Variants in TAC4 observed in about 807,000 individuals in gnomAD.
TAC4 encodes tachykinin precursor 4, also known as tachykinin-4.
In TAC4, 17 loss-of-function variants were observed where a neutral mutation model predicts 17.7. That is an observed-to-expected ratio of 0.96 (90% CI 0.66 to 1.44). TAC4 has a LOEUF of 1.44. TAC4 is among the 40% of genes most tolerant of loss of function. The pLI is 0.00. For synonymous variants in TAC4, 62 were observed against 52.4 expected (o/e 1.18, Z -0.79); for missense variants, 118 against 125.6 (o/e 0.94, Z 0.29).
chr17:49,847,015 C>T, intron 1 of TAC4: 1 of 1,290,148 alleles, frequency 7.8e-7, no homozygotes, highest in Non-Finnish European at 1.0e-6. Context: ...GCACACACTT[C>T]CAGGTTCAGA....
At chr17:49,841,191 G>T (rs2074495050) in intron 3 of TAC4, among the ~76,000 whole-genome samples, 2 of 149,804 alleles carry the variant, frequency 1.3e-5, no homozygotes, top group Non-Finnish European at 3.0e-5. Context: ...GTCCAGATTT[G>T]CACTTTTAAG....
chr17:49,842,398 C>T (rs2074505284), intron 2 of TAC4, among the ~76,000 whole-genome samples: 1 of 151,896 alleles, frequency 6.6e-6, no homozygotes, highest in Non-Finnish European at 1.5e-5. Context: ...GGCATGGTGG[C>T]TGATGCCTGT....
chr17:49,843,114 G>A (rs2074510908), intron 2 of TAC4, among the ~76,000 whole-genome samples: 1 of 152,234 alleles, frequency 6.6e-6, no homozygotes, highest in Non-Finnish European at 1.5e-5. Context: ...GCGAGACTCT[G>A]GGTCAGAAAG....
intron 3 of TAC4, 79 bp downstream of exon 3, chr17:49,841,473 C>T (rs1032524986): frequency 9.0e-6 from 13 of 1,437,914 alleles, no homozygotes; most frequent in African/African-American, 5.9e-5. Context: ...TCTCCCCTCA[C>T]CCACCTGGTT....
Position 49,839,922 on chromosome 17 carries a change from G to A in TAC4, c.233-13C>T, listed in dbSNP as rs774267118. 64 of 1,610,964 alleles carry A rather than the reference G, an allele frequency of 4.0e-5. No individual in the cohort carries two copies. Among genetic ancestry groups the A allele is most frequent in the African/African-American group, 5.3e-5 (4 of 74,902 alleles). Reference sequence around the variant, plus strand: ...TCCAGCTGATATGCTGGTGGTGGGAGAGAGAAGTGGTAGAGGAGAGAGGCA... The same window carrying A: ...TCCAGCTGATATGCTGGTGGTGGGAAAGAGAAGTGGTAGAGGAGAGAGGCA... On this transcript the variant is annotated splice_polypyrimidine_tract_variant and intron_variant, in intron 3 of 4. Transcript: ENST00000436235.
intron 1 of TAC4, among the ~76,000 whole-genome samples, chr17:49,845,070 G>A (rs1036446593): frequency 2.0e-5 from 3 of 152,158 alleles, no homozygotes; most frequent in Non-Finnish European, 4.4e-5. Context: ...TGAGGAGAGG[G>A]CAGCCAGTGA....
chr17:49,839,709 T>TGCCTCCCCTGGGG (rs1337260160), intron 4 of TAC4, 141 bp downstream of exon 4: 2 of 711,108 alleles, frequency 2.8e-6, no homozygotes, highest in Non-Finnish European at 4.6e-6. Flanking sequence ...TGCACTCGAC[T>TGCCTCCCCTGGGG]GCCTCCCCTG....
At position 49,838,375 on chromosome 17, in the gene TAC4, C is replaced by A. The variant is rs548781069; in HGVS notation, c.*267G>T. ...ACAGAGTGTGCGAGTCTCCTCACTGCTGTGCAGTGAGATGCCAACTCTGAG... is the reference window on the plus strand; with the variant it reads ...ACAGAGTGTGCGAGTCTCCTCACTGATGTGCAGTGAGATGCCAACTCTGAG... On this transcript the variant is annotated 3_prime_UTR_variant, in exon 5 of 5. Coordinates refer to ENST00000436235, the MANE Select transcript of TAC4 (RefSeq NM_001077506.2). 2.1e-3 allele frequency: 1,181 copies of A among 566,420 alleles called. 7 individuals carry two copies. The highest frequency in any genetic ancestry group is 3.1e-3 in the Non-Finnish European group (987 of 319,588). The allele number at this position is 566,420 out of a possible 1,614,324, so 35.1% of individuals were successfully genotyped here.
At chr17:49,841,244 C>CTT (rs745671170) in intron 3 of TAC4, among the ~76,000 whole-genome samples, 61 of 110,338 alleles carry the variant, frequency 5.5e-4, no homozygotes, top group African/African-American at 9.7e-4. Flanking sequence ...TAGTGGTTGA[C>CTT]TTTTTTTTTT....
At chr17:49,842,770 T>G (rs568857568) in intron 2 of TAC4, among the ~76,000 whole-genome samples, 1 of 152,364 alleles carries the variant, frequency 6.6e-6, no homozygotes, top group African/African-American at 2.4e-5. Flanking sequence ...AAGTAACCAC[T>G]GTTTACAGTT....
At chr17:49,847,276 T>G (rs2144058642) in intron 1 of TAC4, 1 of 1,283,016 alleles carries the variant, frequency 7.8e-7, no homozygotes, top group African/African-American at 1.5e-5. Context: ...TATCTGTCCC[T>G]TGTCTGATTA....
chr17:49,840,662 C>T (rs976793475), intron 3 of TAC4, among the ~76,000 whole-genome samples: 6 of 151,878 alleles, frequency 4.0e-5, no homozygotes, highest in Non-Finnish European at 8.8e-5. Flanking sequence ...GCCACCACAC[C>T]GGACTAATTT....
Position 49,838,588 on chromosome 17 carries a change from T to C in TAC4, c.*54A>G. 1 of 1,611,432 alleles carries C rather than the reference T, an allele frequency of 6.2e-7. No homozygotes were observed. On this transcript the variant is annotated 3_prime_UTR_variant, in exon 5 of 5. Transcript: ENST00000436235. ...GCCTGCCGGCTTGTCAGCTGTGACA[T>C]CCAGGTAGGAAGAAGCGGCACCGTG...
chr17:49,846,082 A>T, intron 1 of TAC4: 1 of 544,698 alleles, frequency 1.8e-6, no homozygotes, highest in Non-Finnish European at 2.9e-6. Context: ...TTTCTCCCCC[A>T]CTGGGTTTCT....
chr17:49,838,556 A>G lies in TAC4; in HGVS notation c.*86T>C. 2 of 1,535,104 alleles carry G rather than the reference A, an allele frequency of 1.3e-6. No individual in the cohort carries two copies. Among genetic ancestry groups the G allele is most frequent in the Non-Finnish European group, 1.8e-6 (2 of 1,109,642 alleles). On this transcript the variant is annotated 3_prime_UTR_variant, in exon 5 of 5. Coordinates refer to ENST00000436235, the MANE Select transcript of TAC4 (RefSeq NM_001077506.2). ...GATGAGGACAGGAGACACAGAGAAG[A>G]GAGTTGGCCTGCCGGCTTGTCAGCT...
intron 2 of TAC4, 63 bp downstream of exon 2, chr17:49,844,001 C>T: frequency 6.6e-7 from 1 of 1,509,724 alleles, no homozygotes; most frequent in Non-Finnish European, 9.2e-7. Context: ...AGGGCCTCTG[C>T]TTTATGTTGC....
intron 3 of TAC4, among the ~76,000 whole-genome samples, chr17:49,840,471 G>A (rs2074488436): frequency 1.3e-5 from 2 of 152,152 alleles, no homozygotes; most frequent in Non-Finnish European, 2.9e-5. Context: ...TGAGAGCGCT[G>A]AGGGAGTGGA....
At chr17:49,842,140 A>G (rs1046805385) in intron 2 of TAC4, among the ~76,000 whole-genome samples, 2 of 151,170 alleles carry the variant, frequency 1.3e-5, no homozygotes, top group Non-Finnish European at 2.9e-5. Context: ...TCCTGACCTC[A>G]TGATCTTCCC....
In TAC4 at chr17:49,838,306, G is replaced by A; in HGVS notation, c.*336C>T. ...TGCACCAGAGAAGGAGCCATTCACT[G>A]GTCACTCATTTATTGAGTGCCTACT... On this transcript the variant is annotated 3_prime_UTR_variant, in exon 5 of 5. Transcript: ENST00000436235. 2.5e-6 allele frequency: 1 copy of A among 396,332 alleles called. No individual in the cohort carries two copies. The highest frequency in any genetic ancestry group is 2.9e-5 in the South Asian group (1 of 35,080). 24.6% of individuals were successfully genotyped at this position (396,332 alleles called of 1,614,324 possible).
Sources: allele counts gnomAD v4.1 joint callset (sites outside exome capture counted in the v4.1 genomes callset), GRCh38; gene constraint gnomAD v4.1.1; transcripts MANE v1.5; gene names NCBI Gene and HGNC (gene_info 2026-07-23, HGNC 2026-07-21).